Variants in ZBTB16 observed in about 807,000 individuals in gnomAD.
ZBTB16 encodes zinc finger and BTB domain-containing protein 16.
A neutral mutation model predicts 56.8 loss-of-function variants in ZBTB16; 8 were observed. The observed-to-expected ratio is 0.14, with a 90% CI of 0.08 to 0.25. The LOEUF (loss-of-function observed/expected upper bound fraction) is 0.25. Among genes scored for constraint, ZBTB16 ranks in the 10% least tolerant of loss-of-function variants. The pLI, the probability that ZBTB16 is intolerant of heterozygous loss-of-function variation, is 1.00. For missense variants in ZBTB16, 625 were observed against 903.0 expected (o/e 0.69, Z 3.95); for synonymous variants, 363 against 368.5 (o/e 0.98, Z 0.17).
chr11:114,210,162 A>AGTGTGTGTGTGTGTGTGT (rs139074973), intron 4 of ZBTB16, among the ~76,000 whole-genome samples: 29 of 134,642 alleles, frequency 2.2e-4, no homozygotes, highest in African/African-American at 7.0e-4. Flanking sequence ...AGCCAAAGCT[A>AGTGTGTGTGTGTGTGTGT]GTGTGTGTGT....
intron 6 of ZBTB16, among the ~76,000 whole-genome samples, chr11:114,248,781 A>T (rs990272232): frequency 1.3e-5 from 2 of 152,164 alleles, no homozygotes; most frequent in Non-Finnish European, 2.9e-5. Context: ...AGTGGCCCAG[A>T]GGATTTCCCA....
chr11:114,186,901 G>T (rs182657100), intron 3 of ZBTB16, 51 bp from the exon 4 acceptor site: 2 of 1,578,476 alleles, frequency 1.3e-6, no homozygotes, highest in African/African-American at 2.7e-5. Flanking sequence ...GGACCTCCCC[G>T]CTCACCAGTG....
At chr11:114,062,090 T>A (rs574963831) in intron 1 of ZBTB16, among the ~76,000 whole-genome samples, 2,654 of 150,268 alleles carry the variant, frequency 0.018, 87 homozygotes, top group African/African-American at 0.06. Flanking sequence ...TGTGTGTGTG[T>A]AAACACACAC....
chr11:114,152,735 G>C (rs547315100), intron 2 of ZBTB16, among the ~76,000 whole-genome samples: 1 of 152,236 alleles, frequency 6.6e-6, no homozygotes, highest in Admixed American at 6.5e-5. Flanking sequence ...TCTCAGAGAA[G>C]AGTGTGTGAA....
chr11:114,179,187 C>A (rs995593459), intron 3 of ZBTB16, among the ~76,000 whole-genome samples: 1 of 152,198 alleles, frequency 6.6e-6, no homozygotes, highest in South Asian at 2.1e-4. Flanking sequence ...TTTCCCTTTT[C>A]CCTCTTCCCT....
In ZBTB16 at chr11:114,187,295, A is replaced by G. The variant is rs1943383372; in HGVS notation, c.1453+257A>G. ...GGCCAAGATCTGTCTCTAACCAGCC[A>G]CTGAGAGCTCATGTTCTTGGAGGTA... On this transcript the variant is annotated intron_variant, in intron 4 of 6. Transcript: ENST00000335953. 11 of 575,830 alleles carry G rather than the reference A, an allele frequency of 1.9e-5. No homozygotes were observed. The East Asian group carries it at 3.3e-4, about 17-fold the overall frequency. The allele number at this position is 575,830 out of a possible 1,614,324, so 35.7% of individuals were successfully genotyped here.
At chr11:114,180,108 C>T (rs1387231557) in intron 3 of ZBTB16, among the ~76,000 whole-genome samples, 2 of 152,190 alleles carry the variant, frequency 1.3e-5, no homozygotes, top group Admixed American at 1.3e-4. Flanking sequence ...CCTGTCTTTC[C>T]ACCGAACTTT....
rs150924568 is a variant in ZBTB16 at position 114,240,380 on chromosome 11, C to T, written c.1454-1787C>T. 6.6e-5 allele frequency among the ~76,000 whole-genome samples: 10 copies of T among 152,270 alleles called. No homozygotes were observed. In the East Asian group the frequency reaches 1.9e-3, roughly 29 times the overall value. On this transcript the variant is annotated intron_variant, in intron 4 of 6. Coordinates refer to ENST00000335953, the MANE Select transcript of ZBTB16 (RefSeq NM_006006.6). ...TCTTCGTGCCATCCCTTCTCTTCCC[C>T]CTACCTTCCACCAGACACTTCCCGA...
rs74482518 is a variant in ZBTB16 at position 114,119,620 on chromosome 11, A to C, written c.1269-36717A>C. ...TGGTGGGACACTCAAGGATGGATAG[A>C]AAACTTCTGTTTGGGTCTCTGCAGT... On this transcript the variant is annotated intron_variant, in intron 2 of 6. Coordinates refer to ENST00000335953, the MANE Select transcript of ZBTB16 (RefSeq NM_006006.6). Among the ~76,000 whole-genome samples the C allele has an allele frequency of 9.5e-3, 1,448 of 152,254 alleles. 23 individuals carry two copies. The highest frequency in any genetic ancestry group is 0.033 in the African/African-American group (1,369 of 41,544).
chr11:114,233,398 G>A (rs1179304886), intron 4 of ZBTB16, among the ~76,000 whole-genome samples: 2 of 151,978 alleles, frequency 1.3e-5, no homozygotes, highest in Admixed American at 1.3e-4. Context: ...TGTCGGTGTG[G>A]CACTGCCAGG....
At chr11:114,243,462 A>T (rs549377316) in intron 5 of ZBTB16, among the ~76,000 whole-genome samples, 1 of 152,326 alleles carries the variant, frequency 6.6e-6, no homozygotes, top group African/African-American at 2.4e-5. Flanking sequence ...AGGTATCCTC[A>T]TTAAGGAGCC....
At chr11:114,067,659 G>A (rs928886833) in intron 2 of ZBTB16, among the ~76,000 whole-genome samples, 7 of 152,208 alleles carry the variant, frequency 4.6e-5, no homozygotes, top group Admixed American at 1.3e-4. Flanking sequence ...CACCTGTCTC[G>A]GCCTCCCATA....
At chr11:114,070,662 C>T (rs1465419477) in intron 2 of ZBTB16, among the ~76,000 whole-genome samples, 2 of 152,130 alleles carry the variant, frequency 1.3e-5, no homozygotes, top group Non-Finnish European at 2.9e-5. Flanking sequence ...GGGTCAAATC[C>T]ATCTGACCTA....
intron 4 of ZBTB16, among the ~76,000 whole-genome samples, chr11:114,232,045 C>T (rs756088031): frequency 3.3e-5 from 5 of 152,106 alleles, no homozygotes; most frequent in Non-Finnish European, 5.9e-5. Flanking sequence ...TAAAAAGCCA[C>T]GTGAGGGCAA....
chr11:114,148,438 T>TCC (rs1942187228), intron 2 of ZBTB16, among the ~76,000 whole-genome samples: 4 of 48,750 alleles, frequency 8.2e-5, no homozygotes, highest in African/African-American at 4.3e-4. Flanking sequence ...TCTCTCTCTT[T>TCC]CTCTCTCTCT....
intron 4 of ZBTB16, among the ~76,000 whole-genome samples, chr11:114,213,828 GGAGTTAAGTAACTTACCT>G (rs1431297549): frequency 2.0e-5 from 3 of 152,192 alleles, no homozygotes; most frequent in Admixed American, 2.0e-4. Context: ...CAGGCACAGA[GGAGTTAAGTAACTTACCT>G]GAGGTCACAC....
At chr11:114,156,460 G>T (rs1197981166) in intron 3 of ZBTB16, 26 bp downstream of exon 3, 2 of 1,607,512 alleles carry the variant, frequency 1.2e-6, no homozygotes, top group Admixed American at 1.7e-5. Flanking sequence ...TTAGTGGCCC[G>T]TTCAGATACA....
chr11:114,097,349 T>C (rs1940454699), intron 2 of ZBTB16, among the ~76,000 whole-genome samples: 1 of 152,028 alleles, frequency 6.6e-6, no homozygotes, highest in African/African-American at 2.4e-5. Context: ...GAGTTTCAGT[T>C]GGGGGAGATG....
chr11:114,231,124 T>C (rs1238946231), intron 4 of ZBTB16, among the ~76,000 whole-genome samples: 1 of 152,152 alleles, frequency 6.6e-6, no homozygotes. Context: ...ACATGTGAAG[T>C]ATACTGGAGA....
Sources: gnomAD v4.1 joint callset for allele counts (sites outside exome capture counted in the v4.1 genomes callset) on GRCh38, gnomAD v4.1.1 for gene constraint, MANE v1.5 for transcripts, NCBI Gene and HGNC (gene_info 2026-07-23, HGNC 2026-07-21) for gene names.